GFRAL: variants seen among roughly 807,000 people sequenced by gnomAD.
GFRAL encodes GDNF family receptor alpha like, also known as GDNF family receptor alpha-like.
A neutral mutation model predicts 45.4 loss-of-function variants in GFRAL; 36 were observed. The observed-to-expected ratio is 0.79, with a 90% confidence interval of 0.61 to 1.05. The LOEUF (loss-of-function observed/expected upper bound fraction) is 1.05. Among genes scored for constraint, GFRAL ranks in the 50% least tolerant of loss-of-function variants. GFRAL has a pLI of 0.00. For synonymous variants in GFRAL, 166 were observed against 154.1 expected, an observed-to-expected ratio of 1.08 and a Z score of -0.57; for missense variants, 507 against 467.5, an observed-to-expected ratio of 1.08 and a Z score of -0.78.
chr6:55,400,938 A>G (rs1768888962), intron 8 of GFRAL, among the ~76,000 whole-genome samples: 3 of 152,182 alleles, frequency 2.0e-5, no homozygotes, highest in Admixed American at 2.0e-4. Flanking sequence ...CTTCTTAACT[A>G]CATACAGAAT....
At chr6:55,391,924 C>G (rs560841808) in intron 6 of GFRAL, among the ~76,000 whole-genome samples, 2 of 152,168 alleles carry the variant, frequency 1.3e-5, no homozygotes, top group East Asian at 1.9e-4. Flanking sequence ...TCTCTCTTCT[C>G]GTCTCCAGCT....
chr6:55,385,121 A>T (rs773478987), intron 6 of GFRAL, among the ~76,000 whole-genome samples: 1 of 152,080 alleles, frequency 6.6e-6, no homozygotes, highest in Non-Finnish European at 1.5e-5. Flanking sequence ...GTGAATGACT[A>T]ATGACCAGAA....
chr6:55,381,738 T>C (rs780180885), intron 6 of GFRAL, among the ~76,000 whole-genome samples: 1 of 151,876 alleles, frequency 6.6e-6, no homozygotes, highest in Non-Finnish European at 1.5e-5. Context: ...TATTATCTGA[T>C]CACTGACTGT....
chr6:55,379,554 T>C (rs1406128600), intron 6 of GFRAL, among the ~76,000 whole-genome samples: 1 of 130,664 alleles, frequency 7.7e-6, no homozygotes, highest in Non-Finnish European at 1.6e-5. Flanking sequence ...ATTTACCATA[T>C]GCAAGATGAT....
chr6:55,399,462 A>G (rs748644642), intron 8 of GFRAL, 21 bp downstream of exon 8: 5 of 1,513,070 alleles, frequency 3.3e-6, no homozygotes, highest in Non-Finnish European at 4.6e-6. Flanking sequence ...ATAAATTAGA[A>G]GGAAAGGTCT....
chr6:55,367,828 G>A (rs537173563), intron 6 of GFRAL, among the ~76,000 whole-genome samples: 25 of 152,080 alleles, frequency 1.6e-4, no homozygotes, highest in Admixed American at 1.0e-3. Flanking sequence ...GTCTGATGGC[G>A]TTCCCTTTGA....
chr6:55,392,506 A>T (rs566165417), intron 6 of GFRAL, among the ~76,000 whole-genome samples: 2 of 152,362 alleles, frequency 1.3e-5, no homozygotes, highest in Admixed American at 6.5e-5. Context: ...TAGACAGCAG[A>T]TTCTAAATTC....
chr6:55,331,628 T>A, intron 1 of GFRAL, 87 bp from the exon 2 acceptor site: 1 of 1,222,562 alleles, frequency 8.2e-7, no homozygotes, highest in Admixed American at 2.2e-5. Flanking sequence ...TTTCCATAAT[T>A]CTGCTCTTTA....
chr6:55,377,474 G>T (rs1768550188), intron 6 of GFRAL, among the ~76,000 whole-genome samples: 1 of 151,986 alleles, frequency 6.6e-6, no homozygotes, highest in Non-Finnish European at 1.5e-5. Context: ...TCTACCGTAT[G>T]GCCACACCCT....
At chr6:55,347,827 T>TCTTTTG (rs1323329717) in intron 3 of GFRAL, among the ~76,000 whole-genome samples, 11 of 152,252 alleles carry the variant, frequency 7.2e-5, no homozygotes, top group African/African-American at 2.2e-4. Flanking sequence ...TTGAGCATCT[T>TCTTTTG]CTTTTGCTTT....
intron 3 of GFRAL, among the ~76,000 whole-genome samples, chr6:55,338,809 A>C (rs566369117): frequency 3.4e-4 from 52 of 152,350 alleles, no homozygotes; most frequent in Non-Finnish European, 6.2e-4. Flanking sequence ...TTAACACTGG[A>C]AAGAAATCAG....
chr6:55,387,934 T>C (rs142208111), intron 6 of GFRAL, among the ~76,000 whole-genome samples: 1 of 152,280 alleles, frequency 6.6e-6, no homozygotes, highest in South Asian at 2.1e-4. Context: ...AAATCATTAG[T>C]AAACAAATTA....
chr6:55,327,718 TA>T (rs1767784152), intron 1 of GFRAL, 142 bp downstream of exon 1: 1 of 731,170 alleles, frequency 1.4e-6, no homozygotes, highest in Non-Finnish European at 2.3e-6. Context: ...TAACATGGTT[TA>T]TTCTTCTTGC....
chr6:55,343,725 C>T (rs1339112059), intron 3 of GFRAL, among the ~76,000 whole-genome samples: 2 of 152,012 alleles, frequency 1.3e-5, no homozygotes, highest in African/African-American at 4.8e-5. Flanking sequence ...TTCAAAAAAT[C>T]AATGAATCCA....
chr6:55,327,703 T>C, intron 1 of GFRAL, 127 bp downstream of exon 1: 1 of 824,602 alleles, frequency 1.2e-6, no homozygotes, highest in South Asian at 1.7e-5. Context: ...TACAAATTTA[T>C]GCTTTAACAT....
At chr6:55,352,316 T>C (rs1369555890) in intron 5 of GFRAL, among the ~76,000 whole-genome samples, 1 of 152,052 alleles carries the variant, frequency 6.6e-6, no homozygotes, top group Non-Finnish European at 1.5e-5. Context: ...AAAGTAACAT[T>C]TAACATTAAG....
chr6:55,356,268 T>C (rs1486942549), intron 5 of GFRAL, among the ~76,000 whole-genome samples: 2 of 151,970 alleles, frequency 1.3e-5, no homozygotes, highest in Non-Finnish European at 2.9e-5. Flanking sequence ...TCCTCTATTG[T>C]TGGAAATATT....
At chr6:55,365,651 G>T (rs10456711) in intron 6 of GFRAL, among the ~76,000 whole-genome samples, 3 of 136,860 alleles carry the variant, frequency 2.2e-5, no homozygotes, top group South Asian at 2.4e-4. Flanking sequence ...TAGCATGAAG[G>T]GTTGTTGAAT....
At chr6:55,335,912 T>C (rs1403386832) in intron 3 of GFRAL, among the ~76,000 whole-genome samples, 1 of 142,434 alleles carries the variant, frequency 7.0e-6, no homozygotes, top group Non-Finnish European at 1.5e-5. Flanking sequence ...TTATTTTATT[T>C]TATTTTATTT....
Sources: allele counts gnomAD v4.1 joint callset (sites outside exome capture counted in the v4.1 genomes callset), GRCh38; gene constraint gnomAD v4.1.1; transcripts MANE v1.5; gene names NCBI Gene and HGNC (gene_info 2026-07-23, HGNC 2026-07-21).